The following CLVS2 variants were observed in gnomAD, a reference collection of about 807,000 sequenced individuals.
CLVS2 encodes clavesin 2.
A neutral mutation model predicts 29.0 loss-of-function variants in CLVS2; 19 were observed. The ratio of observed to expected loss-of-function variants is 0.66; its 90% CI spans 0.46 to 0.96. CLVS2 has a LOEUF of 0.96. Ranked by LOEUF, CLVS2 falls within the 40% of genes least tolerant of loss-of-function variation. The pLI is 0.00. For missense variants in CLVS2, 294 were observed against 404.1 expected (o/e 0.73, Z 2.34); for synonymous variants, 161 against 151.3 (o/e 1.06, Z -0.47).
intron 3 of CLVS2, among the ~76,000 whole-genome samples, chr6:123,029,091 C>T (rs1775045529): frequency 6.6e-6 from 1 of 152,206 alleles, no homozygotes. Flanking sequence ...CAGAACCTGG[C>T]CATGCCTGCA....
chr6:123,057,551 G>T (rs1310554625), intron 5 of CLVS2, among the ~76,000 whole-genome samples: 51 of 151,852 alleles, frequency 3.4e-4, no homozygotes, highest in Admixed American at 3.2e-3. Context: ...TCACCATCTT[G>T]TCCAGGCTAG....
At chr6:123,025,774 C>T (rs62422418) in intron 3 of CLVS2, among the ~76,000 whole-genome samples, 15,157 of 152,118 alleles carry the variant, frequency 0.1, 1,344 homozygotes, top group East Asian at 0.37. Context: ...TTCTGAGAGA[C>T]CACCTCAACT....
chr6:123,071,316 CCT>C lies in CLVS2; in HGVS notation c.*7559_*7560del, dbSNP rs1767531173. ...TTTATCTTCAAAGGGGAAATTTTAC[CCT>C]CTCATGATAATAGAATCATGAATCA... On this transcript the variant is annotated 3_prime_UTR_variant, in exon 6 of 6. Coordinates refer to ENST00000275162, the MANE Select transcript of CLVS2 (RefSeq NM_001010852.4). 1.3e-5 allele frequency: 2 copies of C among 151,800 alleles called. No homozygotes were observed. Among genetic ancestry groups the C allele is most frequent in the African/African-American group, 4.8e-5 (2 of 41,352 alleles). 9.4% of individuals were successfully genotyped at this position (151,800 alleles called of 1,614,324 possible).
In CLVS2 at chr6:122,998,072, G is replaced by A; in HGVS notation, c.295G>A (p.Ala99Thr). 6.2e-7 allele frequency: 1 copy of A among 1,614,172 alleles called. No individual in the cohort carries two copies. The highest frequency in any genetic ancestry group is 1.1e-5 in the South Asian group (1 of 91,080). ...GGCCACCGACCCTGGCATCAAGCAGGCACTGAAGGATGGCTTCCCTGGGGG... is the reference window on the plus strand; with the variant it reads ...GGCCACCGACCCTGGCATCAAGCAGACACTGAAGGATGGCTTCCCTGGGGG... ...FKATDPGIKQALKDGFPGGLA... is the reference protein window; with the variant it reads ...FKATDPGIKQTLKDGFPGGLA... Residue 99 changes from alanine (A) to threonine (T), a missense_variant, in exon 2 of 6, where the codon GCA becomes ACA. This residue lies in a region of CLVS2 where 212 missense variants were observed against 336.4 expected (regional missense o/e 0.63). Coordinates refer to ENST00000275162, the MANE Select transcript of CLVS2 (RefSeq NM_001010852.4).
In CLVS2 at chr6:123,070,454, C is replaced by T. The variant is rs1772925958; in HGVS notation, c.*6693C>T. 1 of 151,978 alleles carries T rather than the reference C, an allele frequency of 6.6e-6. No homozygotes were observed. Among genetic ancestry groups the T allele is most frequent in the Admixed American group, 6.6e-5 (1 of 15,206 alleles). The allele number at this position is 151,978 out of a possible 1,614,324, so 9.4% of individuals were successfully genotyped here. On this transcript the variant is annotated 3_prime_UTR_variant, in exon 6 of 6. Transcript: ENST00000275162. ...ATTGGACCAAGTCTTCAACATTTTC[C>T]ATCTGGAATATTTTAATAATCTAAA... is the stretch of plus-strand genomic sequence containing the variant.
At chr6:123,004,914 CAAAACAAAAACAAAAACA>C (rs753260568) in intron 2 of CLVS2, among the ~76,000 whole-genome samples, 2 of 141,240 alleles carry the variant, frequency 1.4e-5, no homozygotes, top group Non-Finnish European at 3.1e-5. Context: ...ACTCCATCTC[CAAAACAAAAACAAAAACA>C]AAAACAAAAA....
In CLVS2 at chr6:122,997,652, C is replaced by A; in HGVS notation, c.-126C>A. On this transcript the variant is annotated 5_prime_UTR_variant, in exon 2 of 6. Transcript: ENST00000275162. ...GATTGGACACCAAGATTATTAATTT[C>A]CTGTAGGGGAGAGGAAGCAGGCAGC... The A allele has an allele frequency of 9.2e-5, 70 of 764,912 alleles. No homozygotes were observed. The highest frequency in any genetic ancestry group is 2.3e-4 in the East Asian group (7 of 31,056). 47.4% of individuals were successfully genotyped at this position (764,912 alleles called of 1,614,324 possible).
At chr6:123,014,983 G>A (rs1210258343) in intron 3 of CLVS2, among the ~76,000 whole-genome samples, 3 of 151,896 alleles carry the variant, frequency 2.0e-5, no homozygotes, top group Non-Finnish European at 4.4e-5. Flanking sequence ...TCTAGGCATA[G>A]CTGGAAAGGT....
chr6:123,008,269 A>G (rs1162495619), intron 2 of CLVS2, among the ~76,000 whole-genome samples: 2 of 152,142 alleles, frequency 1.3e-5, no homozygotes, highest in Non-Finnish European at 2.9e-5. Flanking sequence ...GAATTCAAAA[A>G]AGGTGGTTAG....
At chr6:123,013,325 G>T (rs1309047843) in intron 3 of CLVS2, among the ~76,000 whole-genome samples, 1 of 151,936 alleles carries the variant, frequency 6.6e-6, no homozygotes, top group Admixed American at 6.6e-5. Context: ...CCACCACCAT[G>T]CCAAGACCAT....
rs966447619 is a variant in CLVS2 at position 123,063,598 on chromosome 6, T to C, written c.897-76T>C. On this transcript the variant is annotated intron_variant, in intron 5 of 5. Coordinates refer to ENST00000275162, the MANE Select transcript of CLVS2 (RefSeq NM_001010852.4). Reference sequence around the variant, plus strand: ...GAATTCACATTCCTGGGAGAAGTAATGACAAAAAGAGGAGAGAATGTCATC... The same window carrying C: ...GAATTCACATTCCTGGGAGAAGTAACGACAAAAAGAGGAGAGAATGTCATC... The C allele has an allele frequency of 1.3e-5, 10 of 793,494 alleles. 1 individual carries two copies. Among genetic ancestry groups the C allele is most frequent in the Middle Eastern group, 2.4e-4 (1 of 4,172 alleles). The allele number at this position is 793,494 out of a possible 1,614,324, so 49.2% of individuals were successfully genotyped here.
rs1319746987 is a variant in CLVS2, at chr6:123,066,766, T to C, written c.*3005T>C. The C allele has an allele frequency of 1.3e-5, 2 of 151,738 alleles. No individual in the cohort carries two copies. The highest frequency in any genetic ancestry group is 3.0e-5 in the Non-Finnish European group (2 of 67,748). The allele number at this position is 151,738 out of a possible 1,614,324, so 9.4% of individuals were successfully genotyped here. A position where few individuals can be genotyped will look rare whatever the true frequency, so the allele number is the denominator to read the frequency against. ...GGAATAAAGCAACGTTACTGGCATA[T>C]GGATTTTATTTGTACTCTCTTCCAA... On this transcript the variant is annotated 3_prime_UTR_variant, in exon 6 of 6. Transcript: ENST00000275162.
At position 123,025,507 on chromosome 6, in the gene CLVS2, G is replaced by A. The variant is rs138652578; in HGVS notation, c.564+14348G>A. Among the ~76,000 whole-genome samples the A allele has an allele frequency of 7.9e-3, 1,202 of 152,220 alleles. 10 individuals are homozygous for A. The highest frequency in any genetic ancestry group is 0.011 in the Non-Finnish European group (744 of 68,012). ...ATATATGAAGCAAGTGAATCTGAGT[G>A]GTATAAAGGGTGAACTGTAATGGAT... On this transcript the variant is annotated intron_variant, in intron 3 of 5. Transcript: ENST00000275162.
intron 3 of CLVS2, among the ~76,000 whole-genome samples, chr6:123,019,248 A>G (rs1774888468): frequency 6.6e-6 from 1 of 152,062 alleles, no homozygotes; most frequent in Admixed American, 6.6e-5. Context: ...ACGAGGAGGA[A>G]TGGGTGGGCA....
At chr6:123,009,310 G>T (rs372639449) in intron 2 of CLVS2, among the ~76,000 whole-genome samples, 3 of 152,174 alleles carry the variant, frequency 2.0e-5, no homozygotes, top group African/African-American at 7.2e-5. Context: ...GCTGGGCAGA[G>T]ATTGCATCTT....
intron 3 of CLVS2, among the ~76,000 whole-genome samples, chr6:123,024,841 T>C (rs1219694173): frequency 6.6e-6 from 1 of 152,104 alleles, no homozygotes; most frequent in Non-Finnish European, 1.5e-5. Context: ...CGCCTAGTAC[T>C]CAGGAAGCTT....
intron 3 of CLVS2, among the ~76,000 whole-genome samples, chr6:123,014,019 C>T (rs1412372013): frequency 6.6e-6 from 1 of 152,124 alleles, no homozygotes; most frequent in East Asian, 1.9e-4. Context: ...GCATAGTATT[C>T]CATGGTGTAT....
chr6:123,047,025 G>A (rs1408174483), intron 3 of CLVS2, among the ~76,000 whole-genome samples: 1 of 152,048 alleles, frequency 6.6e-6, no homozygotes, highest in Non-Finnish European at 1.5e-5. Context: ...GAAAGACTAG[G>A]CTTGCACACA....
intron 5 of CLVS2, among the ~76,000 whole-genome samples, chr6:123,061,054 A>C (rs1214007357): frequency 9.9e-5 from 15 of 152,236 alleles, no homozygotes; most frequent in Non-Finnish European, 1.5e-5. Context: ...TAATCCCAGC[A>C]CTTTGGGAGG....
Sources: allele counts gnomAD v4.1 joint callset (sites outside exome capture counted in the v4.1 genomes callset), GRCh38; gene constraint gnomAD v4.1.1; regional missense constraint gnomAD v4.1.1; transcripts MANE v1.5; gene names NCBI Gene and HGNC (gene_info 2026-07-23, HGNC 2026-07-21).